Variants in KPNA1 observed in about 807,000 individuals in gnomAD.
KPNA1 encodes importin subunit alpha-5.
In KPNA1, 10 loss-of-function variants were observed where a neutral mutation model predicts 70.5. That is an observed-to-expected ratio of 0.14 (90% CI 0.09 to 0.24). The LOEUF (loss-of-function observed/expected upper bound fraction) is 0.24. Ranked by LOEUF, KPNA1 falls within the 10% of genes least tolerant of loss-of-function variation. The pLI is 1.00. For missense variants in KPNA1, 397 were observed against 637.9 expected, an observed-to-expected ratio of 0.62 and a Z score of 4.07; for synonymous variants, 192 against 221.9, an observed-to-expected ratio of 0.87 and a Z score of 1.20.
chr3:122,428,709 A>G (rs1217126281), intron 12 of KPNA1, among the ~76,000 whole-genome samples: 2 of 152,226 alleles, frequency 1.3e-5, no homozygotes, highest in Non-Finnish European at 2.9e-5. Context: ...ACAGGCTTAC[A>G]TGTATTAAAT....
At position 122,474,866 on chromosome 3, in the gene KPNA1, A is replaced by G. The variant is rs143494763; in HGVS notation, c.130-7437T>C. ...TAGAAAGAATTTACCTCCACACAAT[A>G]AAGGCCATATATGACAAACCAACAG... On this transcript the variant is annotated intron_variant, in intron 2 of 13. Coordinates refer to ENST00000344337, the MANE Select transcript of KPNA1 (RefSeq NM_002264.4). 4.1e-3 allele frequency among the ~76,000 whole-genome samples: 625 copies of G among 152,306 alleles called. 5 individuals are homozygous for G. The highest frequency in any genetic ancestry group is 0.014 in the African/African-American group (595 of 41,576).
At chr3:122,468,844 A>G in intron 2 of KPNA1, among the ~76,000 whole-genome samples, 1 of 152,232 alleles carries the variant, frequency 6.6e-6, no homozygotes, top group East Asian at 1.9e-4. Flanking sequence ...TAAACAAGAC[A>G]CAGCTAAGGA....
chr3:122,504,575 C>T (rs969158728), intron 1 of KPNA1, among the ~76,000 whole-genome samples: 5 of 152,148 alleles, frequency 3.3e-5, no homozygotes, highest in South Asian at 2.1e-4. Flanking sequence ...AAGGGGTTGA[C>T]GGAAACCCTG....
In KPNA1 at chr3:122,467,380, T is replaced by A. The variant is rs760748553; in HGVS notation, c.179A>T (p.Glu60Val). 25 of 1,610,446 alleles carry A rather than the reference T, an allele frequency of 1.6e-5. No homozygotes were observed. The Middle Eastern group carries it at 6.6e-4, about 42-fold the overall frequency. The change falls in exon 3 of 14, where the codon GAA becomes GTA. Residue 60 changes from glutamate (E) to valine (V), a missense_variant. Glu to Val is a moderately radical substitution (Grantham distance 121). Transcript: ENST00000344337. The part of the protein sequence containing the change: ...VATAEEETEE[E>V]VMSDGGFHEA... ...ATGAAAGCCTCCATCTGACATAACT[T>A]CTTCTTCTGTTTCTTCTTCTGCTGT...
intron 10 of KPNA1, among the ~76,000 whole-genome samples, chr3:122,440,397 T>G (rs1020562750): frequency 1.3e-5 from 2 of 152,174 alleles, no homozygotes; most frequent in South Asian, 4.1e-4. Flanking sequence ...GAGACACATG[T>G]TCCAGGCAGA....
intron 2 of KPNA1, among the ~76,000 whole-genome samples, chr3:122,469,970 G>A (rs996416608): frequency 2.6e-5 from 4 of 152,084 alleles, no homozygotes; most frequent in African/African-American, 9.7e-5. Flanking sequence ...GAATACTAAG[G>A]AAATTTATTG....
intron 5 of KPNA1, chr3:122,459,828 G>A (rs2076303289): frequency 1.0e-6 from 1 of 985,418 alleles, no homozygotes; most frequent in South Asian, 4.7e-5. Flanking sequence ...GCAACAAAGA[G>A]TGTAAAACAA....
chr3:122,447,537 C>G (rs902158171), intron 9 of KPNA1, among the ~76,000 whole-genome samples: 8 of 152,106 alleles, frequency 5.3e-5, no homozygotes, highest in African/African-American at 1.9e-4. Context: ...ATAATAAGAG[C>G]TATTTATGAC....
At chr3:122,512,482 G>A (rs1197990865) in intron 1 of KPNA1, among the ~76,000 whole-genome samples, 3 of 152,240 alleles carry the variant, frequency 2.0e-5, no homozygotes, top group Non-Finnish European at 4.4e-5. Context: ...AGAACTTCGG[G>A]AGGCCGAGGA....
At chr3:122,464,778 A>G (rs1466064210) in intron 3 of KPNA1, among the ~76,000 whole-genome samples, 1 of 152,238 alleles carries the variant, frequency 6.6e-6, no homozygotes, top group Non-Finnish European at 1.5e-5. Flanking sequence ...GTCATTTGTC[A>G]GAAAGAAACA....
chr3:122,466,370 A>AT (rs1258870232), intron 3 of KPNA1, among the ~76,000 whole-genome samples: 1 of 152,032 alleles, frequency 6.6e-6, no homozygotes, highest in Non-Finnish European at 1.5e-5. Flanking sequence ...CGGAAGAAAG[A>AT]TTTTTCTTCA....
At chr3:122,432,773 T>C (rs923197006) in intron 12 of KPNA1, 11 of 152,140 alleles carry the variant, frequency 7.2e-5, no homozygotes, top group African/African-American at 2.7e-4. Flanking sequence ...TATGTTTTCT[T>C]CCACTCATTA....
intron 2 of KPNA1, among the ~76,000 whole-genome samples, chr3:122,482,101 C>T (rs1264612417): frequency 1.3e-5 from 2 of 152,258 alleles, no homozygotes; most frequent in Non-Finnish European, 2.9e-5. Context: ...ACTTCATCAT[C>T]ATGTGAACAT....
At chr3:122,457,954 C>CAG in intron 5 of KPNA1, 1 of 980,814 alleles carries the variant, frequency 1.0e-6, no homozygotes, top group Non-Finnish European at 1.3e-6. Flanking sequence ...CCAGGAAAGG[C>CAG]AGAGAGATCA....
rs573461398 is a variant in KPNA1 at position 122,509,098 on chromosome 3, T to C, written c.-6+5659A>G. ...CCGTATCTACTAAAAATACAAAAAT[T>C]AGCCAGGCGTAGTGGCGGGCCCCTG... On this transcript the variant is annotated intron_variant, in intron 1 of 13. Transcript: ENST00000344337. Among the ~76,000 whole-genome samples the C allele has an allele frequency of 1.7e-4, 26 of 151,998 alleles. No homozygotes were observed. The South Asian group carries it at 5.4e-3, about 32-fold the overall frequency.
chr3:122,495,268 A>AAAAAAAAAAAAG (rs2076745873), intron 2 of KPNA1, among the ~76,000 whole-genome samples: 2 of 151,226 alleles, frequency 1.3e-5, no homozygotes, highest in Non-Finnish European at 2.9e-5. Context: ...AAACCAAAAA[A>AAAAAAAAAAAAG]AAAAAAAGAA....
chr3:122,437,377 G>A, intron 10 of KPNA1, 82 bp from the exon 11 acceptor site: 1 of 996,018 alleles, frequency 1.0e-6, no homozygotes, highest in Non-Finnish European at 1.4e-6. Flanking sequence ...TTTTATGAAA[G>A]ACATAACATC....
intron 2 of KPNA1, among the ~76,000 whole-genome samples, chr3:122,492,573 C>A (rs1160254064): frequency 6.6e-6 from 1 of 152,172 alleles, no homozygotes. Context: ...GAAGCTTCAA[C>A]ATCCAATGTA....
chr3:122,476,513 G>A (rs369813542), intron 2 of KPNA1, among the ~76,000 whole-genome samples: 54 of 152,070 alleles, frequency 3.6e-4, no homozygotes, highest in African/African-American at 1.1e-3. Flanking sequence ...TTTGCAAACC[G>A]TACATCAGAT....
Sources: allele counts gnomAD v4.1 joint callset (sites outside exome capture counted in the v4.1 genomes callset), GRCh38; gene constraint gnomAD v4.1.1; transcripts MANE v1.5; gene names NCBI Gene and HGNC (gene_info 2026-07-23, HGNC 2026-07-21).